RAB30: variants seen among roughly 807,000 people sequenced by gnomAD.
The protein encoded by RAB30 is ras-related protein Rab-30.
In RAB30, 9 loss-of-function variants were observed where a neutral mutation model predicts 25.1. The observed-to-expected ratio is 0.36, with a 90% CI of 0.22 to 0.63. RAB30 has a LOEUF of 0.63. Among genes scored for constraint, RAB30 ranks in the 20% least tolerant of loss-of-function variants. The pLI, the probability that RAB30 is intolerant of heterozygous loss-of-function variation, is 0.69. For missense variants in RAB30, 140 were observed against 243.5 expected, an observed-to-expected ratio of 0.58 and a Z score of 2.83; for synonymous variants, 77 against 86.4, an observed-to-expected ratio of 0.89 and a Z score of 0.60.
At chr11:83,050,826 C>A (rs1181579306) in intron 1 of RAB30, among the ~76,000 whole-genome samples, 1 of 152,016 alleles carries the variant, frequency 6.6e-6, no homozygotes, top group African/African-American at 2.4e-5. Flanking sequence ...GACATAGATT[C>A]CATGAAATGC....
At chr11:83,011,738 C>T (rs1475331711) in intron 1 of RAB30, among the ~76,000 whole-genome samples, 3 of 152,276 alleles carry the variant, frequency 2.0e-5, no homozygotes, top group Admixed American at 1.3e-4. Context: ...ACTCTCCTGG[C>T]CTCCTGCCCT....
In RAB30 at chr11:82,976,694, A is replaced by G. The variant is rs1856551583; in HGVS notation, c.*5471T>C. ...ATCAAACTCAAATAGATTTGTCACC[A>G]TACAGATTTAAGACCAATGACTTAA... On this transcript the variant is annotated 3_prime_UTR_variant, in exon 5 of 5. Transcript: ENST00000527633. 1 of 152,198 alleles carries G rather than the reference A, an allele frequency of 6.6e-6. No individual in the cohort carries two copies. The highest frequency in any genetic ancestry group is 1.9e-4 in the East Asian group (1 of 5,202). The allele number at this position is 152,198 out of a possible 1,614,324, so 9.4% of individuals were successfully genotyped here. A position where few individuals can be genotyped will look rare whatever the true frequency, so the allele number is the denominator to read the frequency against.
intron 1 of RAB30, among the ~76,000 whole-genome samples, chr11:83,037,403 C>A (rs1265818048): frequency 3.3e-5 from 5 of 151,940 alleles, no homozygotes; most frequent in African/African-American, 1.2e-4. Flanking sequence ...GCGCCCACCA[C>A]CATGCCTGGC....
At chr11:83,022,065 T>C (rs1461771470) in intron 1 of RAB30, among the ~76,000 whole-genome samples, 2 of 151,690 alleles carry the variant, frequency 1.3e-5, no homozygotes. Flanking sequence ...GCTGTACGTA[T>C]GCCTGACAAT....
intron 1 of RAB30, among the ~76,000 whole-genome samples, chr11:83,026,871 C>T (rs920810835): frequency 7.9e-5 from 12 of 152,034 alleles, no homozygotes; most frequent in African/African-American, 2.4e-4. Context: ...ATTTTGGAAG[C>T]TTGGGAAGCA....
At chr11:82,985,515 T>C (rs1856723477) in intron 4 of RAB30, among the ~76,000 whole-genome samples, 1 of 152,036 alleles carries the variant, frequency 6.6e-6, no homozygotes, top group Non-Finnish European at 1.5e-5. Context: ...TATCTATAAA[T>C]CTGCAAGAAA....
chr11:83,021,193 C>T (rs561820736), intron 1 of RAB30, among the ~76,000 whole-genome samples: 2 of 152,348 alleles, frequency 1.3e-5, no homozygotes, highest in South Asian at 4.1e-4. Flanking sequence ...CTGTGTACCT[C>T]ATTCTTCCTG....
chr11:83,031,523 TTTTTTTTTC>T (rs1857858316), intron 1 of RAB30, among the ~76,000 whole-genome samples: 1 of 80,680 alleles, frequency 1.2e-5, no homozygotes, highest in East Asian at 5.3e-4. Context: ...CTGCGTATTC[TTTTTTTTTC>T]TTTTTTTTTT....
At chr11:82,987,903 CCTAAA>C in intron 3 of RAB30, 133 bp from the exon 4 acceptor site, 1 of 156,382 alleles carries the variant, frequency 6.4e-6, no homozygotes, top group East Asian at 8.5e-5. Flanking sequence ...TATTTTCTGC[CCTAAA>C]AAAAAAAAAA....
chr11:83,039,498 G>C (rs1205640901), intron 1 of RAB30, among the ~76,000 whole-genome samples: 1 of 152,126 alleles, frequency 6.6e-6, no homozygotes, highest in Admixed American at 6.5e-5. Context: ...GGGCAACATG[G>C]CAAAACTCCA....
chr11:83,005,651 T>TTA (rs1447061239), intron 1 of RAB30, among the ~76,000 whole-genome samples: 2 of 152,018 alleles, frequency 1.3e-5, no homozygotes, highest in African/African-American at 4.8e-5. Flanking sequence ...GAAGAAAACA[T>TTA]TATATATATA....
chr11:82,982,263 T>C lies in RAB30; in HGVS notation c.514A>G (p.Ser172Gly). Residue 172 changes from serine (S) to glycine (G), a missense_variant, in exon 5 of 5, where the codon AGT becomes GGT. Coordinates refer to ENST00000527633, the MANE Select transcript of RAB30 (RefSeq NM_001286060.2). ...ACAAGTGTGTTCTGTCTGGCTTCAC[T>C]GATGAGTCGGCATGCTAAGTCAAGG... ...LFLDLACRLI[S>G]EARQNTLVNN... 1 of 1,614,260 alleles carries C rather than the reference T, an allele frequency of 6.2e-7. No individual in the cohort carries two copies. The highest frequency in any genetic ancestry group is 2.2e-5 in the East Asian group (1 of 44,892).
Position 82,994,136 on chromosome 11 carries a change from A to C in RAB30, c.94-14T>G. The C allele has an allele frequency of 6.3e-7, 1 of 1,579,718 alleles. No individual in the cohort carries two copies. Among genetic ancestry groups the C allele is most frequent in the Admixed American group, 1.7e-5 (1 of 59,548 alleles). On this transcript the variant is annotated splice_polypyrimidine_tract_variant and intron_variant, in intron 2 of 4. Coordinates refer to ENST00000527633, the MANE Select transcript of RAB30 (RefSeq NM_001286060.2). Reference sequence around the variant, plus strand: ...GGGGAAAAGACCCTGAAGAAGAAATAATAGAAAAGAACAGCTAAGCAAATA... The same window carrying C: ...GGGGAAAAGACCCTGAAGAAGAAATCATAGAAAAGAACAGCTAAGCAAATA...
intron 1 of RAB30, chr11:83,035,429 G>C (rs934672092): frequency 3.9e-5 from 6 of 152,356 alleles, no homozygotes; most frequent in African/African-American, 1.4e-4. Flanking sequence ...CATGGACTCA[G>C]TTGTCCCGAC....
Position 83,017,994 on chromosome 11 carries a change from A to C in RAB30, c.-8-20670T>G, listed in dbSNP as rs545396495. Among the ~76,000 whole-genome samples the C allele has an allele frequency of 5.9e-5, 9 of 152,328 alleles. No homozygotes were observed. The South Asian group carries it at 1.9e-3, about 32-fold the overall frequency. On this transcript the variant is annotated intron_variant, in intron 1 of 4. Coordinates refer to ENST00000527633, the MANE Select transcript of RAB30 (RefSeq NM_001286060.2). ...GGTTGTACTAGTTTACATTCTTACC[A>C]GCAGTGTAAAAGTGTTTCATTTTCC...
At chr11:83,019,801 T>C (rs1857524861) in intron 1 of RAB30, among the ~76,000 whole-genome samples, 1 of 152,266 alleles carries the variant, frequency 6.6e-6, no homozygotes, top group Admixed American at 6.5e-5. Flanking sequence ...GAGAGGTAGC[T>C]TAATGGAATG....
At chr11:83,064,081 GT>G (rs1290282084) in intron 1 of RAB30, among the ~76,000 whole-genome samples, 2 of 151,884 alleles carry the variant, frequency 1.3e-5, no homozygotes, top group East Asian at 3.9e-4. Flanking sequence ...CAGTCCATGT[GT>G]TTTTCTGTAA....
intron 1 of RAB30, among the ~76,000 whole-genome samples, chr11:83,069,114 AAACCG>A (rs1332230969): frequency 6.6e-6 from 1 of 152,222 alleles, no homozygotes. Flanking sequence ...GCAAATAAGT[AAACCG>A]AAGCAGAAAG....
chr11:82,997,170 C>G, intron 2 of RAB30, 54 bp downstream of exon 2: 2 of 1,467,312 alleles, frequency 1.4e-6, no homozygotes, highest in Non-Finnish European at 1.9e-6. Flanking sequence ...ACCCCTCAGG[C>G]TAGACTGACA....
Sources: allele counts gnomAD v4.1 joint callset (sites outside exome capture counted in the v4.1 genomes callset), GRCh38; gene constraint gnomAD v4.1.1; transcripts MANE v1.5; gene names NCBI Gene and HGNC (gene_info 2026-07-23, HGNC 2026-07-21).